The following HSD17B4 variants were observed in gnomAD, a reference collection of about 807,000 sequenced individuals.
The protein encoded by HSD17B4 is peroxisomal multifunctional enzyme type 2.
A neutral mutation model predicts 101.0 loss-of-function variants in HSD17B4; 70 were observed. The observed-to-expected ratio is 0.69, with a 90% CI of 0.57 to 0.85. HSD17B4 has a LOEUF of 0.85. Ranked by LOEUF, HSD17B4 falls within the 40% of genes least tolerant of loss-of-function variation. The pLI is 0.00. For synonymous variants in HSD17B4, 347 were observed against 297.1 expected (o/e 1.17, Z -1.73); for missense variants, 984 against 892.4 (o/e 1.10, Z -1.31).
intron 14 of HSD17B4, among the ~76,000 whole-genome samples, chr5:119,503,849 G>T (rs1751416857): frequency 6.6e-6 from 1 of 151,536 alleles, no homozygotes; most frequent in South Asian, 2.1e-4. Context: ...TGGGTGTATT[G>T]TGTGATGCTA....
intron 21 of HSD17B4, among the ~76,000 whole-genome samples, chr5:119,530,857 A>AC (rs1052115868): frequency 7.3e-5 from 10 of 137,596 alleles, no homozygotes; most frequent in East Asian, 6.9e-4. Flanking sequence ...AAAAAAAAAA[A>AC]AAAAAACAAA....
At position 119,476,685 on chromosome 5, in the gene HSD17B4, C is replaced by T. The variant is rs984491354; in HGVS notation, c.350-732C>T. On this transcript the variant is annotated intron_variant, in intron 6 of 23. Transcript: ENST00000510025. The stretch of plus-strand genomic sequence containing the variant: ...AGATAGGATTTGCTGGCAAAGGGGG[C>T]CTATGTTGGTGCTTTTCTTGGTGCT... The T allele has an allele frequency of 1.3e-5, 13 of 985,282 alleles. No individual in the cohort carries two copies. The African/African-American group carries it at 2.1e-4, about 16-fold the overall frequency. The allele number at this position is 985,282 out of a possible 1,614,324, so 61.0% of individuals were successfully genotyped here. A position where few individuals can be genotyped will look rare whatever the true frequency, so the allele number is the denominator to read the frequency against.
chr5:119,459,763 G>C (rs1198909054), intron 2 of HSD17B4, among the ~76,000 whole-genome samples: 1 of 151,966 alleles, frequency 6.6e-6, no homozygotes, highest in African/African-American at 2.4e-5. Context: ...TCACTCCCAT[G>C]ATAACCTGTT....
chr5:119,470,270 G>T (rs953196045), intron 2 of HSD17B4, among the ~76,000 whole-genome samples: 2 of 151,994 alleles, frequency 1.3e-5, no homozygotes, highest in African/African-American at 4.8e-5. Flanking sequence ...AACTAGCTGG[G>T]GTCATGATCC....
chr5:119,541,176 G>A (rs1754957932), intron 23 of HSD17B4, among the ~76,000 whole-genome samples: 1 of 152,130 alleles, frequency 6.6e-6, no homozygotes, highest in South Asian at 2.1e-4. Flanking sequence ...ACTGCTACAG[G>A]AACCCTTCGT....
intron 14 of HSD17B4, among the ~76,000 whole-genome samples, chr5:119,503,682 T>G (rs1751395737): frequency 6.6e-6 from 1 of 151,854 alleles, no homozygotes; most frequent in South Asian, 2.1e-4. Flanking sequence ...CTTACCCTAA[T>G]CATGTTAAAA....
chr5:119,525,205 T>C lies in HSD17B4; in HGVS notation c.1504-11T>C, dbSNP rs773042352. 3.7e-6 allele frequency: 6 copies of C among 1,602,084 alleles called. No homozygotes were observed. The Admixed American group carries it at 1.0e-4, about 27-fold the overall frequency. On this transcript the variant is annotated splice_polypyrimidine_tract_variant and intron_variant, in intron 17 of 23. Transcript: ENST00000510025. ...CACTGAGTTCTAGTTATGTTTATGCTTTCTCCACAGGCTGCTTTGTACCGC... is the reference window on the plus strand; with the variant it reads ...CACTGAGTTCTAGTTATGTTTATGCCTTCTCCACAGGCTGCTTTGTACCGC...
chr5:119,525,769 T>C (rs1341797967), intron 18 of HSD17B4, 148 bp from the exon 19 acceptor site: 3 of 610,744 alleles, frequency 4.9e-6, no homozygotes, highest in Non-Finnish European at 8.8e-6. Flanking sequence ...AAATACTCTT[T>C]AAAAAATATC....
intron 18 of HSD17B4, 23 bp downstream of exon 18, chr5:119,525,308 C>T (rs778440362): frequency 7.0e-7 from 1 of 1,432,410 alleles, no homozygotes; most frequent in Non-Finnish European, 9.9e-7. Flanking sequence ...TAATATGTAT[C>T]AATGAAAAAT....
Position 119,525,278 on chromosome 5 carries a change from T to A in HSD17B4, c.1566T>A (p.Ser522Arg), listed in dbSNP as rs184492796. 7.9e-5 allele frequency: 127 copies of A among 1,604,996 alleles called. 1 individual carries two copies. The East Asian group carries it at 2.4e-3, about 31-fold the overall frequency. Residue 522 changes from serine (S) to arginine (R), a missense_variant, in exon 18 of 24, where the codon AGT (serine) becomes AGA (arginine). By Grantham distance (110) the Ser-to-Arg change is moderately radical. Coordinates refer to ENST00000510025, the MANE Select transcript of HSD17B4 (RefSeq NM_000414.4). ...TACACATTGATCCTAACTTTGCTAG[T>A]CTAGCAGGTGAGTTGTCTTTAATAT... ...NPLHIDPNFA[S>R]LAGFDKPILH...
intron 16 of HSD17B4, among the ~76,000 whole-genome samples, chr5:119,514,655 A>G (rs574837143): frequency 1.3e-5 from 2 of 152,340 alleles, no homozygotes; most frequent in East Asian, 1.9e-4. Flanking sequence ...TGTGAATTAT[A>G]TGTCTAATTC....
intron 2 of HSD17B4, among the ~76,000 whole-genome samples, chr5:119,464,134 G>A (rs1755568483): frequency 1.3e-5 from 2 of 152,010 alleles, no homozygotes; most frequent in Non-Finnish European, 2.9e-5. Flanking sequence ...CTCCCATTCT[G>A]CAAGTTGTCT....
At chr5:119,498,281 C>T (rs1171999869) in intron 12 of HSD17B4, among the ~76,000 whole-genome samples, 1 of 152,112 alleles carries the variant, frequency 6.6e-6, no homozygotes. Context: ...GGTTGGCAAA[C>T]CTTTTTGATG....
At chr5:119,473,568 C>A (rs528563450) in intron 2 of HSD17B4, among the ~76,000 whole-genome samples, 49 of 152,150 alleles carry the variant, frequency 3.2e-4, no homozygotes, top group Middle Eastern at 3.4e-3. Context: ...GGTAGTCCTC[C>A]CACCTTAGCC....
In HSD17B4 at chr5:119,495,394, G is replaced by A. The variant is rs781590328; in HGVS notation, c.869-1149G>A. 2.2e-4 allele frequency among the ~76,000 whole-genome samples: 33 copies of A among 152,178 alleles called. No individual in the cohort carries two copies. In the East Asian group the frequency reaches 5.0e-3, roughly 23 times the overall value. ...ACAATTTTTAAAAAATGATCTTTTC[G>A]ATAAGAATTGACTTTCCAGAGCATC... On this transcript the variant is annotated intron_variant, in intron 11 of 23. Coordinates refer to ENST00000510025, the MANE Select transcript of HSD17B4 (RefSeq NM_000414.4).
chr5:119,482,601 C>G (rs1749238383), intron 8 of HSD17B4, among the ~76,000 whole-genome samples: 2 of 152,064 alleles, frequency 1.3e-5, no homozygotes, highest in African/African-American at 4.8e-5. Context: ...TTATGTTTAT[C>G]TCGTTAGGAG....
chr5:119,493,702 T>G (rs1750323759), intron 10 of HSD17B4, 116 bp from the exon 11 acceptor site: 7 of 941,830 alleles, frequency 7.4e-6, no homozygotes, highest in African/African-American at 1.6e-5. Context: ...CTTTAGGAGT[T>G]AGAATCCCTT....
chr5:119,517,224 G>A (rs913965470), intron 17 of HSD17B4, among the ~76,000 whole-genome samples: 1 of 152,212 alleles, frequency 6.6e-6, no homozygotes, highest in East Asian at 1.9e-4. Context: ...TGCTGGCCCC[G>A]GGCAATGAGG....
Position 119,503,575 on chromosome 5 carries a change from C to A in HSD17B4, c.1261+1483C>A, listed in dbSNP as rs534917947. ...AATCTACTACTGTTTATAAAACACA[C>A]CAATTGATGAGACACAGAGTGTCAA... On this transcript the variant is annotated intron_variant, in intron 14 of 23. Coordinates refer to ENST00000510025, the MANE Select transcript of HSD17B4 (RefSeq NM_000414.4). Among the ~76,000 whole-genome samples, 95 of 152,204 alleles carry A rather than the reference C, an allele frequency of 6.2e-4. 1 individual carries two copies. Among genetic ancestry groups the A allele is most frequent in the African/African-American group, 2.2e-3 (93 of 41,558 alleles).
Sources: gnomAD v4.1 joint callset for allele counts (sites outside exome capture counted in the v4.1 genomes callset) on GRCh38, gnomAD v4.1.1 for gene constraint, MANE v1.5 for transcripts, NCBI Gene and HGNC (gene_info 2026-07-23, HGNC 2026-07-21) for gene names.